CSMD3: variants seen among roughly 807,000 people sequenced by gnomAD.
The protein encoded by CSMD3 is CUB and sushi domain-containing protein 3.
Under a neutral mutation model 435.2 loss-of-function variants are expected in CSMD3, and 177 were observed. The ratio of observed to expected loss-of-function variants is 0.41; its 90% CI spans 0.36 to 0.46. The LOEUF is 0.46. Ranked by LOEUF, CSMD3 falls within the 20% of genes least tolerant of loss-of-function variation. The pLI is 0.34. For synonymous variants in CSMD3, 1,656 were observed against 1,520.5 expected, an observed-to-expected ratio of 1.09 and a Z score of -2.07; for missense variants, 4,265 against 4,504.6, an observed-to-expected ratio of 0.95 and a Z score of 1.52.
At chr8:112,810,760 G>A (rs1040663441) in intron 12 of CSMD3, among the ~76,000 whole-genome samples, 4 of 152,036 alleles carry the variant, frequency 2.6e-5, no homozygotes, top group African/African-American at 9.7e-5. Context: ...TTACTTACGT[G>A]ATTGATGAAA....
chr8:113,017,195 G>A (rs953149254), intron 6 of CSMD3, among the ~76,000 whole-genome samples: 11 of 151,874 alleles, frequency 7.2e-5, no homozygotes, highest in Non-Finnish European at 8.8e-5. Context: ...TTACTACAGT[G>A]ATGCTACTTT....
intron 1 of CSMD3, among the ~76,000 whole-genome samples, chr8:113,334,486 A>G (rs899871438): frequency 6.6e-6 from 1 of 151,626 alleles, no homozygotes; most frequent in Non-Finnish European, 1.5e-5. Context: ...ACTTGCTGAT[A>G]TTTTGCTTAG....
At chr8:112,747,948 A>G (rs111242418) in intron 13 of CSMD3, among the ~76,000 whole-genome samples, 2,382 of 143,500 alleles carry the variant, frequency 0.017, 68 homozygotes, top group African/African-American at 0.06. Flanking sequence ...GGGCGACAGA[A>G]CAAGACTCCG....
intron 38 of CSMD3, among the ~76,000 whole-genome samples, chr8:112,377,594 C>T (rs1169027633): frequency 6.6e-6 from 1 of 152,048 alleles, no homozygotes; most frequent in Non-Finnish European, 1.5e-5. Flanking sequence ...CAAAAATCCT[C>T]AACAACATGA....
intron 32 of CSMD3, among the ~76,000 whole-genome samples, chr8:112,454,386 T>C (rs1816606297): frequency 6.6e-6 from 1 of 152,066 alleles, no homozygotes; most frequent in Non-Finnish European, 1.5e-5. Flanking sequence ...CTAACACTCA[T>C]AATCTATAAG....
At chr8:112,418,444 T>TC (rs1812144416) in intron 32 of CSMD3, among the ~76,000 whole-genome samples, 1 of 152,104 alleles carries the variant, frequency 6.6e-6, no homozygotes, top group African/African-American at 2.4e-5. Flanking sequence ...CTGTTTGCCC[T>TC]CCATACTGTA....
At chr8:113,115,165 C>G (rs2090783878) in intron 4 of CSMD3, among the ~76,000 whole-genome samples, 1 of 152,162 alleles carries the variant, frequency 6.6e-6, no homozygotes, top group Admixed American at 6.5e-5. Flanking sequence ...TGGTCAGATT[C>G]TAATCAGCAT....
chr8:113,383,972 G>A (rs780271283), intron 1 of CSMD3, among the ~76,000 whole-genome samples: 13 of 152,078 alleles, frequency 8.5e-5, no homozygotes, highest in South Asian at 2.1e-4. Context: ...TAATGCATAC[G>A]ATTTAAGATT....
At chr8:113,082,508 A>G (rs1308325736) in intron 5 of CSMD3, among the ~76,000 whole-genome samples, 3 of 152,084 alleles carry the variant, frequency 2.0e-5, no homozygotes, top group African/African-American at 4.8e-5. Context: ...CTATAAATCT[A>G]CTCCACAAAA....
chr8:112,827,194 T>TATATATATA (rs2079720199), intron 12 of CSMD3, among the ~76,000 whole-genome samples: 2 of 126,278 alleles, frequency 1.6e-5, no homozygotes, highest in South Asian at 5.0e-4. Flanking sequence ...TATATATATA[T>TATATATATA]ATATATATAT....
intron 31 of CSMD3, among the ~76,000 whole-genome samples, chr8:112,476,285 A>G (rs749384670): frequency 3.3e-5 from 5 of 152,112 alleles, no homozygotes; most frequent in Non-Finnish European, 5.9e-5. Context: ...ACCTCAGGTT[A>G]CCCATCTGCC....
chr8:113,363,493 C>T (rs2094291268), intron 1 of CSMD3, among the ~76,000 whole-genome samples: 2 of 152,102 alleles, frequency 1.3e-5, no homozygotes, highest in African/African-American at 2.4e-5. Flanking sequence ...AAATTTAACA[C>T]CAATTTGACT....
chr8:112,479,232 A>G (rs934685768), intron 31 of CSMD3, among the ~76,000 whole-genome samples: 1 of 152,210 alleles, frequency 6.6e-6, no homozygotes, highest in Non-Finnish European at 1.5e-5. Context: ...ATCGTACATC[A>G]CTATAGTTAG....
intron 2 of CSMD3, among the ~76,000 whole-genome samples, chr8:113,300,817 C>T (rs1027250586): frequency 6.6e-6 from 1 of 152,004 alleles, no homozygotes; most frequent in Non-Finnish European, 1.5e-5. Context: ...TGACCCTGCA[C>T]ATATATCCTC....
At chr8:113,018,866 ATAT>A in intron 6 of CSMD3, 198 bp downstream of exon 6, 1 of 585,422 alleles carries the variant, frequency 1.7e-6, no homozygotes, top group Non-Finnish European at 3.0e-6. Flanking sequence ...ATTATTCTGA[ATAT>A]TATACTATAA....
chr8:113,393,357 G>A (rs2094469769), intron 1 of CSMD3, among the ~76,000 whole-genome samples: 1 of 151,960 alleles, frequency 6.6e-6, no homozygotes, highest in Non-Finnish European at 1.5e-5. Context: ...GAATTCTGAA[G>A]ATATAAAAGT....
chr8:112,347,468 T>C (rs765255709), intron 40 of CSMD3, among the ~76,000 whole-genome samples: 1 of 152,142 alleles, frequency 6.6e-6, no homozygotes, highest in Non-Finnish European at 1.5e-5. Context: ...TAAAGGCAAA[T>C]TCAGTAGGAA....
intron 5 of CSMD3, among the ~76,000 whole-genome samples, chr8:113,087,843 C>T (rs899633131): frequency 6.6e-6 from 1 of 152,058 alleles, no homozygotes; most frequent in African/African-American, 2.4e-5. Flanking sequence ...GCAACAAAAG[C>T]CAAAATTGAC....
chr8:112,997,023 T>C (rs1357771540), intron 6 of CSMD3, among the ~76,000 whole-genome samples: 1 of 151,554 alleles, frequency 6.6e-6, no homozygotes, highest in Non-Finnish European at 1.5e-5. Flanking sequence ...CTTTTCAGGG[T>C]ACTGATTAGT....
Sources: allele counts gnomAD v4.1 joint callset (sites outside exome capture counted in the v4.1 genomes callset), GRCh38; gene constraint gnomAD v4.1.1; transcripts MANE v1.5; gene names NCBI Gene and HGNC (gene_info 2026-07-23, HGNC 2026-07-21).